The following RPS6KA3 variants were observed in gnomAD, a reference collection of about 807,000 sequenced individuals.
RPS6KA3 encodes the protein ribosomal protein S6 kinase alpha-3.
Under a neutral mutation model 67.2 loss-of-function variants are expected in RPS6KA3, and 4 were observed. That is an observed-to-expected ratio of 0.06 (90% CI 0.03 to 0.14). The LOEUF is 0.14. Ranked by LOEUF, RPS6KA3 falls within the 10% of genes least tolerant of loss-of-function variation. The pLI, the probability that RPS6KA3 is intolerant of heterozygous loss-of-function variation, is 1.00. For synonymous variants in RPS6KA3, 182 were observed against 183.7 expected, an observed-to-expected ratio of 0.99 and a Z score of 0.07; for missense variants, 204 against 559.0, an observed-to-expected ratio of 0.36 and a Z score of 6.40.
In RPS6KA3 at chrX:20,193,662, T is replaced by C; in HGVS notation, c.487-69A>G. ...GTCTGTAATTTTTAAAGTTCCACTC[T>C]AGAGTTTAAATATCCTAAAAATTTT... On this transcript the variant is annotated intron_variant, in intron 6 of 21. Transcript: ENST00000379565. The C allele has an allele frequency of 9.2e-6, 6 of 651,186 alleles. No individual in the cohort carries two copies. In the South Asian group the frequency reaches 1.3e-4, roughly 14 times the overall value. 53.7% of individuals were successfully genotyped at this position (651,186 alleles called of 1,213,427 possible).
intron 2 of RPS6KA3, among the ~76,000 whole-genome samples, chrX:20,228,643 C>T (rs1001590427): frequency 9.0e-6 from 1 of 111,356 alleles, no homozygotes; most frequent in African/African-American, 3.3e-5. Context: ...CAGCCCCATG[C>T]CATACGTCCA....
At chrX:20,215,644 C>A (rs2148748072) in intron 2 of RPS6KA3, among the ~76,000 whole-genome samples, 1 of 111,787 alleles carries the variant, frequency 8.9e-6, no homozygotes, top group South Asian at 3.7e-4. Flanking sequence ...GGTCATGGGA[C>A]CATGACTATT....
At chrX:20,239,528 T>C (rs946036468) in intron 1 of RPS6KA3, among the ~76,000 whole-genome samples, 22 of 111,762 alleles carry the variant, frequency 2.0e-4, no homozygotes, top group African/African-American at 6.5e-4. Context: ...CCATAATGCC[T>C]TCCAGCCAAA....
At chrX:20,184,316 T>G (rs1416900581) in intron 10 of RPS6KA3, among the ~76,000 whole-genome samples, 1 of 111,716 alleles carries the variant, frequency 9.0e-6, no homozygotes, top group Admixed American at 9.5e-5. Context: ...CCCAAAGTGC[T>G]GGGATTACCT....
At chrX:20,227,685 CT>C (rs371618128) in intron 2 of RPS6KA3, among the ~76,000 whole-genome samples, 4,024 of 105,446 alleles carry the variant, frequency 0.038, 122 homozygotes, top group African/African-American at 0.096. Flanking sequence ...TGGAAAATTG[CT>C]TTTTTTTTTA....
intron 1 of RPS6KA3, among the ~76,000 whole-genome samples, chrX:20,255,976 G>A (rs1361124338): frequency 9.6e-6 from 1 of 103,670 alleles, no homozygotes; most frequent in Non-Finnish European, 2.0e-5. Flanking sequence ...CAGGCGTGGT[G>A]GTGGGCACCT....
intron 15 of RPS6KA3, among the ~76,000 whole-genome samples, chrX:20,171,487 G>A (rs1022149486): frequency 5.4e-5 from 6 of 111,728 alleles, no homozygotes; most frequent in African/African-American, 1.6e-4. Context: ...GAACACACTG[G>A]GAGGGGTCGT....
At chrX:20,159,319 G>A (rs2067255659) in intron 20 of RPS6KA3, among the ~76,000 whole-genome samples, 1 of 112,147 alleles carries the variant, frequency 8.9e-6, no homozygotes, top group South Asian at 3.7e-4. Flanking sequence ...ACAGTCCTTG[G>A]TACATAAATG....
chrX:20,208,631 T>C (rs544265481), intron 3 of RPS6KA3, among the ~76,000 whole-genome samples: 2 of 110,713 alleles, frequency 1.8e-5, no homozygotes, highest in African/African-American at 6.6e-5. Flanking sequence ...GGCTGGAGAA[T>C]TGCTTGAACC....
chrX:20,218,852 T>C (rs1016332243), intron 2 of RPS6KA3: 9 of 1,195,878 alleles, frequency 7.5e-6, no homozygotes, highest in Non-Finnish European at 9.1e-6. Context: ...TACGAAACCA[T>C]GATGGTGATA....
intron 2 of RPS6KA3, among the ~76,000 whole-genome samples, chrX:20,234,393 T>A (rs1209239183): frequency 9.0e-6 from 1 of 111,677 alleles, no homozygotes; most frequent in African/African-American, 3.3e-5. Context: ...GAGAATCCTG[T>A]GAACCCAGGA....
chrX:20,193,151 G>A (rs758957033), intron 7 of RPS6KA3, among the ~76,000 whole-genome samples: 6 of 110,955 alleles, frequency 5.4e-5, no homozygotes, highest in Non-Finnish European at 9.4e-5. Context: ...GTTGGCAGGC[G>A]CCCGTAATCC....
intron 4 of RPS6KA3, among the ~76,000 whole-genome samples, chrX:20,200,083 G>GAGAC (rs1174490881): frequency 8.9e-6 from 1 of 112,136 alleles, no homozygotes; most frequent in East Asian, 2.8e-4. Context: ...TTTATGAAAA[G>GAGAC]AGACTGAATA....
At chrX:20,204,770 G>A (rs1377201323) in intron 3 of RPS6KA3, among the ~76,000 whole-genome samples, 1 of 110,922 alleles carries the variant, frequency 9.0e-6, no homozygotes, top group East Asian at 2.8e-4. Context: ...TGTGGTAGCT[G>A]GCACCTGTAA....
chrX:20,219,540 T>G (rs1327914383), intron 2 of RPS6KA3, among the ~76,000 whole-genome samples: 1 of 111,514 alleles, frequency 9.0e-6, no homozygotes, highest in Non-Finnish European at 1.9e-5. Flanking sequence ...ATCAACCAGG[T>G]TAAAGACTTA....
chrX:20,194,851 A>T (rs936238025), intron 5 of RPS6KA3, among the ~76,000 whole-genome samples: 1 of 111,451 alleles, frequency 9.0e-6, no homozygotes, highest in African/African-American at 3.3e-5. Context: ...CCACTCAGAA[A>T]CTAACTTTAT....
Position 20,266,786 on chromosome X carries a change from G to T in RPS6KA3, c.-154C>A. On this transcript the variant is annotated 5_prime_UTR_variant, in exon 1 of 22. Coordinates refer to ENST00000379565, the MANE Select transcript of RPS6KA3 (RefSeq NM_004586.3). ...CAGCGGCAGCAGCAGCAGCAGCGGC[G>T]GCGGCCCCAGAGAGGGCTCGACGCC... is the stretch of plus-strand genomic sequence containing the variant. 2.9e-6 allele frequency: 1 copy of T among 343,591 alleles called. No homozygotes were observed. Among genetic ancestry groups the T allele is most frequent in the Non-Finnish European group, 3.8e-6 (1 of 266,548 alleles). The allele number at this position is 343,591 out of a possible 1,213,427, so 28.3% of individuals were successfully genotyped here. A position where few individuals can be genotyped will look rare whatever the true frequency, so the allele number is the denominator to read the frequency against.
At position 20,266,885 on chromosome X, in the gene RPS6KA3, T is replaced by C. The variant is rs1163353401; in HGVS notation, c.-253A>G. 1.9e-6 allele frequency: 1 copy of C among 530,276 alleles called. No individual in the cohort carries two copies. Among genetic ancestry groups the C allele is most frequent in the Non-Finnish European group, 2.3e-6 (1 of 434,246 alleles). 43.7% of individuals were successfully genotyped at this position (530,276 alleles called of 1,213,427 possible). A position where few individuals can be genotyped will look rare whatever the true frequency, so the allele number is the denominator to read the frequency against. ...CTGAGCGAGAGCCTCGCGCCTCCGCTGGGCACCGGGTCTCGCCCCTTTCTT... is the reference window on the plus strand; with the variant it reads ...CTGAGCGAGAGCCTCGCGCCTCCGCCGGGCACCGGGTCTCGCCCCTTTCTT... On this transcript the variant is annotated 5_prime_UTR_variant, in exon 1 of 22. Transcript: ENST00000379565.
At chrX:20,249,564 A>G (rs1347390275) in intron 1 of RPS6KA3, among the ~76,000 whole-genome samples, 1 of 111,771 alleles carries the variant, frequency 8.9e-6, no homozygotes, top group Non-Finnish European at 1.9e-5. Flanking sequence ...CATGCTGAAC[A>G]TCTTTTCATA....
Sources: allele counts gnomAD v4.1 joint callset (sites outside exome capture counted in the v4.1 genomes callset), GRCh38; gene constraint gnomAD v4.1.1; transcripts MANE v1.5; gene names NCBI Gene and HGNC (gene_info 2026-07-23, HGNC 2026-07-21).